The following MROH9 variants were observed in gnomAD, a reference collection of about 807,000 sequenced individuals.
MROH9 encodes the protein maestro heat like repeat family member 9, also known as maestro heat-like repeat-containing protein family member 9.
A neutral mutation model predicts 98.2 loss-of-function variants in MROH9; 92 were observed. The observed-to-expected ratio is 0.94, with a 90% CI of 0.79 to 1.11. The LOEUF is 1.11. MROH9 is among the 50% of genes most tolerant of loss of function. MROH9 has a pLI of 0.00. For missense variants in MROH9, 1,057 were observed against 1,014.8 expected (o/e 1.04, Z -0.57); for synonymous variants, 397 against 368.9 (o/e 1.08, Z -0.87).
intron 10 of MROH9, among the ~76,000 whole-genome samples, chr1:170,988,437 T>C (rs1389293950): frequency 1.3e-5 from 2 of 152,176 alleles, no homozygotes; most frequent in Non-Finnish European, 2.9e-5. Flanking sequence ...AGTTCTCTTC[T>C]AGTGAAGTGG....
chr1:171,031,643 C>T (rs550115111), intron 20 of MROH9, among the ~76,000 whole-genome samples: 18 of 152,232 alleles, frequency 1.2e-4, no homozygotes, highest in South Asian at 1.0e-3. Flanking sequence ...TGTTGAGAGA[C>T]GTACTTTTAG....
intron 2 of MROH9, 148 bp downstream of exon 2, chr1:170,945,729 C>T (rs1422311790): frequency 1.8e-5 from 11 of 613,308 alleles, no homozygotes; most frequent in South Asian, 6.3e-5. Context: ...GCCCGTAGAA[C>T]GTTCACAAAA....
intron 3 of MROH9, among the ~76,000 whole-genome samples, chr1:170,956,462 C>A (rs1009868077): frequency 6.6e-6 from 1 of 151,820 alleles, no homozygotes; most frequent in Non-Finnish European, 1.5e-5. Context: ...GGATATGTTT[C>A]CTTTTGTTTG....
chr1:171,048,761 A>G (rs1425683657), intron 20 of MROH9, among the ~76,000 whole-genome samples: 2 of 152,106 alleles, frequency 1.3e-5, no homozygotes, highest in African/African-American at 2.4e-5. Flanking sequence ...CTGAGTCTCA[A>G]CTGAAGCCAG....
intron 15 of MROH9, among the ~76,000 whole-genome samples, chr1:171,009,837 G>C (rs914575989): frequency 2.0e-5 from 3 of 152,202 alleles, no homozygotes; most frequent in Non-Finnish European, 4.4e-5. Flanking sequence ...CCCAAAGAAG[G>C]GCTAAAGGCC....
At chr1:170,947,469 T>A (rs1649375424) in intron 2 of MROH9, 58 bp from the exon 3 acceptor site, 1 of 1,470,984 alleles carries the variant, frequency 6.8e-7, no homozygotes, top group African/African-American at 1.4e-5. Flanking sequence ...AAGGCCCCAC[T>A]AAGATGATAG....
intron 15 of MROH9, among the ~76,000 whole-genome samples, chr1:171,002,516 C>T (rs966341313): frequency 1.3e-5 from 2 of 152,130 alleles, no homozygotes; most frequent in Non-Finnish European, 2.9e-5. Flanking sequence ...ATATATGATG[C>T]TTAGTTTCAC....
intron 1 of MROH9, among the ~76,000 whole-genome samples, chr1:170,941,873 T>C (rs1649133280): frequency 6.6e-6 from 1 of 152,182 alleles, no homozygotes; most frequent in African/African-American, 2.4e-5. Flanking sequence ...CCAATCTCCC[T>C]AAGCTTTTGA....
chr1:170,937,501 G>A (rs1486259070), intron 1 of MROH9, among the ~76,000 whole-genome samples: 3 of 150,290 alleles, frequency 2.0e-5, no homozygotes, highest in Non-Finnish European at 4.4e-5. Context: ...ACTGATCACA[G>A]CATCATAATC....
chr1:171,026,998 G>A (rs1055600051), intron 20 of MROH9, among the ~76,000 whole-genome samples: 6 of 152,242 alleles, frequency 3.9e-5, no homozygotes, highest in African/African-American at 1.4e-4. Flanking sequence ...GAAAATATTT[G>A]TTGAGAACTC....
intron 17 of MROH9, among the ~76,000 whole-genome samples, chr1:171,016,723 A>G (rs1274807454): frequency 6.6e-6 from 1 of 152,158 alleles, no homozygotes; most frequent in Non-Finnish European, 1.5e-5. Flanking sequence ...AAACAGCAAT[A>G]GTGACATAAA....
At chr1:171,008,819 A>C (rs1652049581) in intron 15 of MROH9, among the ~76,000 whole-genome samples, 2 of 152,206 alleles carry the variant, frequency 1.3e-5, no homozygotes, top group South Asian at 4.1e-4. Context: ...AGTAACTTCC[A>C]GGAGATGTTG....
At chr1:170,946,283 T>A (rs1186227598) in intron 2 of MROH9, among the ~76,000 whole-genome samples, 2 of 151,924 alleles carry the variant, frequency 1.3e-5, no homozygotes, top group Non-Finnish European at 2.9e-5. Flanking sequence ...TCTAATTATA[T>A]GAAAAAAAAT....
chr1:170,978,380 G>C (rs866578009), intron 8 of MROH9, among the ~76,000 whole-genome samples: 96 of 152,298 alleles, frequency 6.3e-4, no homozygotes, highest in Middle Eastern at 3.4e-3. Context: ...ACCTCTGGGA[G>C]CCTCTCCCCA....
intron 20 of MROH9, among the ~76,000 whole-genome samples, chr1:171,032,824 G>C (rs1245313135): frequency 6.6e-6 from 1 of 152,160 alleles, no homozygotes; most frequent in Admixed American, 6.5e-5. Flanking sequence ...GCCACACCAG[G>C]CGGGAAACCC....
In MROH9 at chr1:171,025,343, C is replaced by G; in HGVS notation, c.2204C>G (p.Thr735Arg). The G allele has an allele frequency of 6.5e-7, 1 of 1,549,032 alleles. No homozygotes were observed. Among genetic ancestry groups the G allele is most frequent in the Non-Finnish European group, 8.7e-7 (1 of 1,144,806 alleles). The change falls in exon 20 of 22, where the codon ACA becomes AGA. Residue 735 changes from threonine to arginine, a missense_variant. Coordinates refer to ENST00000367759, the MANE Select transcript of MROH9 (RefSeq NM_001163629.2). ...ATTATTTCTCATAGGAACTACATTACAGATTTGACATCTGATACCTTACGA... is the reference window on the plus strand; with the variant it reads ...ATTATTTCTCATAGGAACTACATTAGAGATTTGACATCTGATACCTTACGA... ...NLIISHRNYITDLTSDTLRFL... is the reference protein window; with the variant it reads ...NLIISHRNYIRDLTSDTLRFL...
At chr1:171,057,060 C>T (rs1426176246) in intron 20 of MROH9, among the ~76,000 whole-genome samples, 2 of 152,196 alleles carry the variant, frequency 1.3e-5, no homozygotes, top group Non-Finnish European at 2.9e-5. Context: ...AGTGCCTCTT[C>T]TCCAAATGTT....
intron 4 of MROH9, among the ~76,000 whole-genome samples, chr1:170,958,824 C>T (rs1649895043): frequency 6.6e-6 from 1 of 152,098 alleles, no homozygotes; most frequent in Admixed American, 6.6e-5. Context: ...TCATTGATTA[C>T]AGAAAATGGG....
At chr1:171,051,327 T>C (rs1356478955) in intron 20 of MROH9, among the ~76,000 whole-genome samples, 5 of 151,688 alleles carry the variant, frequency 3.3e-5, no homozygotes, top group African/African-American at 1.2e-4. Context: ...AGCAAAGACA[T>C]AGAATAAGCC....
Sources: allele counts gnomAD v4.1 joint callset (sites outside exome capture counted in the v4.1 genomes callset), GRCh38; gene constraint gnomAD v4.1.1; transcripts MANE v1.5; gene names NCBI Gene and HGNC (gene_info 2026-07-23, HGNC 2026-07-21).